The following POMGNT1 variants were observed in gnomAD, a reference collection of about 807,000 sequenced individuals.
POMGNT1 encodes the protein protein O-linked-mannose beta-1,2-N-acetylglucosaminyltransferase 1.
Under a neutral mutation model 95.6 loss-of-function variants are expected in POMGNT1, and 67 were observed. The ratio of observed to expected loss-of-function variants is 0.70; its 90% CI spans 0.58 to 0.86. POMGNT1 has a LOEUF of 0.86. Among genes scored for constraint, POMGNT1 ranks in the 40% least tolerant of loss-of-function variants. The pLI, the probability that POMGNT1 is intolerant of heterozygous loss-of-function variation, is 0.00. For synonymous variants in POMGNT1, 298 were observed against 317.9 expected (o/e 0.94, Z 0.66); for missense variants, 719 against 855.2 (o/e 0.84, Z 1.99).
chr1:46,213,456 TA>T (rs1390649227), intron 1 of POMGNT1, among the ~76,000 whole-genome samples: 1 of 151,824 alleles, frequency 6.6e-6, no homozygotes, highest in Non-Finnish European at 1.5e-5. Flanking sequence ...TCTCTAAGCA[TA>T]TCCCCATTGT....
At chr1:46,195,774 A>G in intron 6 of POMGNT1, 37 bp downstream of exon 6, 1 of 1,539,124 alleles carries the variant, frequency 6.5e-7, no homozygotes, top group Non-Finnish European at 8.8e-7. Context: ...GGTTGGAGCT[A>G]GGGAGTAGGG....
In POMGNT1 at chr1:46,189,814, G is replaced by C. The variant is rs190156535; in HGVS notation, c.1785+40C>G. On this transcript the variant is annotated intron_variant, in intron 20 of 21. Transcript: ENST00000371984. ...GGATCTTGGGGCAGTATGTGTGTGA[G>C]GGGGAGGGGTTCTCCAGGGTGGGCA... The C allele has an allele frequency of 5.7e-4, 926 of 1,612,466 alleles. 6 individuals are homozygous for C. In the African/African-American group the frequency reaches 0.011, roughly 19 times the overall value.
chr1:46,219,631 G>A, intron 1 of POMGNT1: 2 of 1,475,906 alleles, frequency 1.4e-6, no homozygotes, highest in Non-Finnish European at 1.8e-6. Flanking sequence ...ACAAGGTAGT[G>A]GCCTGTGGAA....
rs1466504863 is a variant in POMGNT1, at chr1:46,194,893, G to A, written c.603C>T (p.Gly201=). The A allele has an allele frequency of 1.2e-6, 2 of 1,614,126 alleles. No homozygotes were observed. Among genetic ancestry groups the A allele is most frequent in the Admixed American group, 1.7e-5 (1 of 60,026 alleles). The change falls in exon 7 of 22, where the codon GGC becomes GGT. Residue 201 remains glycine, a synonymous_variant. Coordinates refer to ENST00000371984, the MANE Select transcript of POMGNT1 (RefSeq NM_017739.4). ...ALLRSLGSQA[G]PALGWRDTWA... is the part of the protein sequence containing the mutation. ...ATGTGTCCCTCCAGCCCAGGGCAGG[G>A]CCAGCCTGGCTGCCCAGGCTCCTCA...
rs890480720 is a variant in POMGNT1 at position 46,192,427 on chromosome 1, G to C, written c.1294C>G (p.His432Asp). 6.2e-7 allele frequency: 1 copy of C among 1,614,162 alleles called. No individual in the cohort carries two copies. The highest frequency in any genetic ancestry group is 1.7e-5 in the Admixed American group (1 of 60,016). Residue 432 changes from histidine (H) to aspartate (D), a missense_variant, in exon 16 of 22, where the codon CAC (histidine) becomes GAC (aspartate). His to Asp is a moderately conservative substitution (Grantham distance 81, BLOSUM62 -1). This residue lies in a region of POMGNT1 where 118 missense variants were observed against 153.6 expected (regional missense o/e 0.77). Coordinates refer to ENST00000371984, the MANE Select transcript of POMGNT1 (RefSeq NM_017739.4). ...AGTAGTGCTGGGTCCTCAGCCGTGT[G>C]TTCATACCCCTGGGGACAGGGTGCC... is the stretch of plus-strand genomic sequence containing the variant. ...ISAWNDQGYE[H>D]TAEDPALLYR...
chr1:46,220,109 G>T, exon 1 of POMGNT1: 12 of 1,614,244 alleles, frequency 7.4e-6, no homozygotes, highest in Non-Finnish European at 1.0e-5. Flanking sequence ...AGCCCCCAGG[G>T]GAGAGGCTTC....
chr1:46,201,422 G>A (rs558734162), upstream of POMGNT1, among the ~76,000 whole-genome samples: 10 of 151,996 alleles, frequency 6.6e-5, no homozygotes, highest in South Asian at 1.9e-3. Flanking sequence ...GTGCCAGGCC[G>A]GGCGCAGTGG....
chr1:46,208,659 A>G (rs1478421694), intron 1 of POMGNT1, among the ~76,000 whole-genome samples: 1 of 152,098 alleles, frequency 6.6e-6, no homozygotes, highest in Non-Finnish European at 1.5e-5. Flanking sequence ...CCTGACCAAC[A>G]TGGTGAAACC....
At chr1:46,208,820 G>A (rs1557683729) in intron 1 of POMGNT1, among the ~76,000 whole-genome samples, 2 of 152,004 alleles carry the variant, frequency 1.3e-5, no homozygotes, top group South Asian at 4.1e-4. Flanking sequence ...CAGCCTGGAC[G>A]ACTGTGCAAA....
chr1:46,212,828 C>T (rs1251106641), intron 1 of POMGNT1, among the ~76,000 whole-genome samples: 1 of 151,978 alleles, frequency 6.6e-6, no homozygotes, highest in Admixed American at 6.6e-5. Context: ...GGCATGATCC[C>T]AGCTCACTGC....
intron 18 of POMGNT1, 83 bp from the exon 19 acceptor site, chr1:46,190,600 A>T (rs1657688473): frequency 6.5e-7 from 1 of 1,533,862 alleles, no homozygotes; most frequent in Admixed American, 1.7e-5. Flanking sequence ...AAGGGGTCAC[A>T]TGGGAATCTG....
intron 1 of POMGNT1, among the ~76,000 whole-genome samples, chr1:46,215,880 A>G (rs984150143): frequency 2.0e-5 from 3 of 152,196 alleles, no homozygotes; most frequent in Non-Finnish European, 4.4e-5. Context: ...AGCCTGGGCT[A>G]TAGAGTAAGA....
At chr1:46,200,528 G>A (rs1658506284), upstream of POMGNT1, among the ~76,000 whole-genome samples, 1 of 152,208 alleles carries the variant, frequency 6.6e-6, no homozygotes, top group African/African-American at 2.4e-5. Flanking sequence ...GGTATGTCTT[G>A]CTCACCATTG....
chr1:46,194,055 T>G (rs781518510), intron 9 of POMGNT1, 130 bp from the exon 10 acceptor site: 8 of 1,547,658 alleles, frequency 5.2e-6, no homozygotes, highest in Non-Finnish European at 4.4e-6. Context: ...GGATCTTCCC[T>G]GTTCTGGGCT....
upstream of POMGNT1, chr1:46,198,435 G>A (rs1658407186): frequency 2.0e-5 from 3 of 150,334 alleles, no homozygotes; most frequent in South Asian, 5.3e-4. Context: ...TTGCGGCCCC[G>A]CCCCGGCCTG....
Position 46,188,962 on chromosome 1 carries a change from G to T in POMGNT1, c.*308C>A. ...GGCCCTCAGGACAGTCAATAAATAGGTTAGATTCTGAGCCAGGCCTGGAAA... is the reference window on the plus strand; with the variant it reads ...GGCCCTCAGGACAGTCAATAAATAGTTTAGATTCTGAGCCAGGCCTGGAAA... On this transcript the variant is annotated 3_prime_UTR_variant, in exon 22 of 22. Transcript: ENST00000371984. The T allele has an allele frequency of 1.2e-6, 2 of 1,611,164 alleles. No homozygotes were observed. Among genetic ancestry groups the T allele is most frequent in the Middle Eastern group, 3.4e-4 (2 of 5,924 alleles).
At chr1:46,194,010 T>G in intron 9 of POMGNT1, 85 bp from the exon 10 acceptor site, 1 of 1,585,416 alleles carries the variant, frequency 6.3e-7, no homozygotes. Flanking sequence ...CAGGTGAGGG[T>G]AGGTGCAGAC....
At chr1:46,203,228 G>T, upstream of POMGNT1, 1 of 403,866 alleles carries the variant, frequency 2.5e-6, no homozygotes. Context: ...AGGGCCAGAG[G>T]TTGTGTGCGC....
chr1:46,195,065 T>C, intron 6 of POMGNT1, 104 bp from the exon 7 acceptor site: 9 of 984,308 alleles, frequency 9.1e-6, no homozygotes, highest in Non-Finnish European at 1.3e-5. Context: ...AATAGCTCAT[T>C]ACATTATTGC....
Sources: allele counts gnomAD v4.1 joint callset (sites outside exome capture counted in the v4.1 genomes callset), GRCh38; gene constraint gnomAD v4.1.1; regional missense constraint gnomAD v4.1.1; transcripts MANE v1.5; gene names NCBI Gene and HGNC (gene_info 2026-07-23, HGNC 2026-07-21).